SLC9B2: variants seen among roughly 807,000 people sequenced by gnomAD.
SLC9B2 encodes solute carrier family 9 member B2.
In SLC9B2, 39 loss-of-function variants were observed where a neutral mutation model predicts 52.2. The ratio of observed to expected loss-of-function variants is 0.75; its 90% CI spans 0.58 to 0.98. SLC9B2 has a LOEUF of 0.98. SLC9B2 is among the 50% of genes least tolerant of loss of function. The pLI, the probability that SLC9B2 is intolerant of heterozygous loss-of-function variation, is 0.00. For synonymous variants in SLC9B2, 214 were observed against 227.0 expected, an observed-to-expected ratio of 0.94 and a Z score of 0.51; for missense variants, 626 against 637.5, an observed-to-expected ratio of 0.98 and a Z score of 0.19.
At chr4:103,039,901 C>T (rs1247203811) in intron 9 of SLC9B2, among the ~76,000 whole-genome samples, 4 of 152,042 alleles carry the variant, frequency 2.6e-5, no homozygotes, top group Admixed American at 2.6e-4. Context: ...CCACTTCGTT[C>T]TCCCAAAGTG....
At chr4:103,018,864 T>C (rs1741566119), downstream of SLC9B2, among the ~76,000 whole-genome samples, 1 of 152,214 alleles carries the variant, frequency 6.6e-6, no homozygotes. Flanking sequence ...TGAGCAGGGC[T>C]AGAGGATTAT....
In SLC9B2 at chr4:103,024,602, T is replaced by C. The variant is rs1469396878; in HGVS notation, c.*1768A>G. 1.3e-5 allele frequency among the ~76,000 whole-genome samples: 2 copies of C among 152,228 alleles called. No homozygotes were observed. Among genetic ancestry groups the C allele is most frequent in the Admixed American group, 1.3e-4 (2 of 15,278 alleles). On this transcript the variant is annotated 3_prime_UTR_variant, in exon 12 of 12. Coordinates refer to ENST00000394785, the MANE Select transcript of SLC9B2 (RefSeq NM_178833.7). ...AGATCAGCTTGGTGGGATTAGGATATTCATAATTCATTCATCTAATACATA... is the reference window on the plus strand; with the variant it reads ...AGATCAGCTTGGTGGGATTAGGATACTCATAATTCATTCATCTAATACATA...
At chr4:103,053,047 A>C (rs1265327818) in intron 4 of SLC9B2, among the ~76,000 whole-genome samples, 1 of 152,076 alleles carries the variant, frequency 6.6e-6, no homozygotes, top group Non-Finnish European at 1.5e-5. Context: ...TGTTCTCTTA[A>C]AATTTTGTAT....
intron 1 of SLC9B2, among the ~76,000 whole-genome samples, chr4:103,070,928 G>A (rs893703660): frequency 5.9e-5 from 9 of 151,954 alleles, no homozygotes; most frequent in African/African-American, 1.9e-4. Flanking sequence ...TAGTGGGGGC[G>A]ACAGAGCAAG....
chr4:103,026,704 A>C (rs183559211), intron 11 of SLC9B2, 113 bp from the exon 12 acceptor site: 139 of 946,520 alleles, frequency 1.5e-4, no homozygotes, highest in Middle Eastern at 3.3e-4. Context: ...TCAACTAAGA[A>C]AGTTGTAAGC....
chr4:103,019,630 G>C, downstream of SLC9B2: 1 of 985,488 alleles, frequency 1.0e-6, no homozygotes, highest in Non-Finnish European at 1.2e-6. Context: ...TCGCTGGCCC[G>C]GGAGCGGCCC....
rs1014425158 is a variant in SLC9B2 at position 103,067,555 on chromosome 4, T to C, written c.-5A>G. 2 of 1,598,638 alleles carry C rather than the reference T, an allele frequency of 1.3e-6. No homozygotes were observed. Among genetic ancestry groups the C allele is most frequent in the Non-Finnish European group, 1.7e-6 (2 of 1,166,528 alleles). On this transcript the variant is annotated 5_prime_UTR_variant, in exon 2 of 12. It adds an upstream start codon to the 5' untranslated region. Coordinates refer to ENST00000394785, the MANE Select transcript of SLC9B2 (RefSeq NM_178833.7). ...TCTTTTATCTTCATCCCCCATTATT[T>C]ATAATTAAGAAGATGACACAGGGAA...
At chr4:103,042,440 T>C (rs1012795648) in intron 9 of SLC9B2, 8 of 151,994 alleles carry the variant, frequency 5.3e-5, no homozygotes, top group African/African-American at 1.9e-4. Context: ...CCATAATACA[T>C]ATAAACCAAA....
At chr4:103,077,080 T>C (rs1173309088), upstream of SLC9B2, 2 of 152,294 alleles carry the variant, frequency 1.3e-5, no homozygotes, top group African/African-American at 4.8e-5. Context: ...TTAATTCTCA[T>C]TTCATGTTTG....
chr4:103,073,775 T>A (rs1746877820), intron 1 of SLC9B2, among the ~76,000 whole-genome samples: 1 of 152,218 alleles, frequency 6.6e-6, no homozygotes, highest in Non-Finnish European at 1.5e-5. Context: ...GAAATATACT[T>A]ACTAAAAGTT....
intron 4 of SLC9B2, among the ~76,000 whole-genome samples, chr4:103,054,662 G>C (rs1474411526): frequency 6.6e-6 from 1 of 152,140 alleles, no homozygotes; most frequent in Non-Finnish European, 1.5e-5. Context: ...GAATTAGTCT[G>C]CCCACCCTTT....
At chr4:103,067,834 T>C (rs1746283749) in intron 1 of SLC9B2, among the ~76,000 whole-genome samples, 1 of 152,328 alleles carries the variant, frequency 6.6e-6, no homozygotes, top group East Asian at 1.9e-4. Flanking sequence ...ATTTTTATGA[T>C]TTCTTTCCCA....
intron 6 of SLC9B2, 129 bp downstream of exon 6, chr4:103,048,764 A>G (rs781220461): frequency 8.8e-7 from 1 of 1,131,380 alleles, no homozygotes; most frequent in Non-Finnish European, 1.2e-6. Context: ...TATTTAAATT[A>G]TGCTGTAACA....
intron 9 of SLC9B2, 95 bp from the exon 10 acceptor site, chr4:103,031,903 G>A: frequency 8.0e-7 from 1 of 1,244,610 alleles, no homozygotes; most frequent in Non-Finnish European, 1.1e-6. Context: ...TTTGGCCTGA[G>A]ATAAGCTTTA....
intron 8 of SLC9B2, 113 bp downstream of exon 8, chr4:103,044,777 G>C: frequency 1.2e-6 from 1 of 848,902 alleles, no homozygotes; most frequent in Non-Finnish European, 1.9e-6. Context: ...ATTTTAAAAT[G>C]AGGAACCATT....
At chr4:103,056,502 C>A (rs1002384809) in intron 4 of SLC9B2, among the ~76,000 whole-genome samples, 1 of 151,720 alleles carries the variant, frequency 6.6e-6, no homozygotes, top group Non-Finnish European at 1.5e-5. Context: ...CCTGCCTTGG[C>A]CTCCCAAAGT....
intron 4 of SLC9B2, among the ~76,000 whole-genome samples, chr4:103,051,849 T>A (rs1478635191): frequency 6.6e-6 from 1 of 152,208 alleles, no homozygotes; most frequent in African/African-American, 2.4e-5. Flanking sequence ...TAATAATATA[T>A]CCTGGACATT....
At chr4:103,072,168 C>T (rs1746714646) in intron 1 of SLC9B2, among the ~76,000 whole-genome samples, 1 of 147,680 alleles carries the variant, frequency 6.8e-6, no homozygotes, top group Non-Finnish European at 1.5e-5. Flanking sequence ...AAGCTATTCT[C>T]CTGCCTCAGC....
chr4:103,060,588 G>T, intron 3 of SLC9B2, among the ~76,000 whole-genome samples: 1 of 142,210 alleles, frequency 7.0e-6, no homozygotes, highest in Admixed American at 7.1e-5. Context: ...CTCTCCCTTG[G>T]AACTTTGTCT....
Sources: gnomAD v4.1 joint callset for allele counts (sites outside exome capture counted in the v4.1 genomes callset) on GRCh38, gnomAD v4.1.1 for gene constraint, MANE v1.5 for transcripts, NCBI Gene and HGNC (gene_info 2026-07-23, HGNC 2026-07-21) for gene names.